The following KIAA1217 variants were observed in gnomAD, a reference collection of about 807,000 sequenced individuals.
The protein encoded by KIAA1217 is KIAA1217.
A neutral mutation model predicts 163.9 loss-of-function variants in KIAA1217; 88 were observed. The ratio of observed to expected loss-of-function variants is 0.54; its 90% CI spans 0.45 to 0.64. KIAA1217 has a LOEUF of 0.64. KIAA1217 is among the 30% of genes least tolerant of loss of function. The pLI is 0.00. For missense variants in KIAA1217, 2,372 were observed against 2,475.0 expected (o/e 0.96, Z 0.88); for synonymous variants, 903 against 923.1 (o/e 0.98, Z 0.39).
intron 2 of KIAA1217, among the ~76,000 whole-genome samples, chr10:24,246,231 C>T (rs2073793793): frequency 6.6e-6 from 1 of 152,170 alleles, no homozygotes; most frequent in African/African-American, 2.4e-5. Context: ...GACAGACTCT[C>T]ATTTAAAACT....
At chr10:24,536,958 C>T in intron 17 of KIAA1217, 65 bp downstream of exon 17, 1 of 1,589,350 alleles carries the variant, frequency 6.3e-7, no homozygotes. Context: ...CTGACACTAA[C>T]ACGGCTCTTA....
chr10:23,814,184 C>A (rs1837212534), intron 1 of KIAA1217, among the ~76,000 whole-genome samples: 1 of 151,974 alleles, frequency 6.6e-6, no homozygotes, highest in Admixed American at 6.6e-5. Context: ...GAGGGGGATG[C>A]CAAGAGGAAT....
At position 24,547,405 on chromosome 10, in the gene KIAA1217, T is replaced by C. The variant is rs918267742; in HGVS notation, c.*1081T>C. The C allele has an allele frequency of 6.6e-6, 1 of 152,666 alleles. No homozygotes were observed. The highest frequency in any genetic ancestry group is 2.4e-5 in the African/African-American group (1 of 41,454). The allele number at this position is 152,666 out of a possible 1,614,324, so 9.5% of individuals were successfully genotyped here. ...CAGCTAGAGTGTTTTTGTAAATAAA[T>C]GTATTTGTATAACACAGTCATGTAA... On this transcript the variant is annotated 3_prime_UTR_variant, in exon 21 of 21. Transcript: ENST00000376454.
intron 1 of KIAA1217, among the ~76,000 whole-genome samples, chr10:23,739,292 AT>A (rs35278063): frequency 0.23 from 34,821 of 152,094 alleles, 4,322 homozygotes; most frequent in African/African-American, 0.32. Flanking sequence ...AATGCATGTT[AT>A]TTTGGGTGAT....
At chr10:24,267,266 T>C (rs1395988629) in intron 2 of KIAA1217, among the ~76,000 whole-genome samples, 1 of 152,226 alleles carries the variant, frequency 6.6e-6, no homozygotes, top group Non-Finnish European at 1.5e-5. Context: ...TGAAGACTTA[T>C]AAAGACCACT....
intron 1 of KIAA1217, among the ~76,000 whole-genome samples, chr10:23,972,630 T>C (rs1288668003): frequency 2.0e-5 from 3 of 151,530 alleles, no homozygotes; most frequent in South Asian, 4.2e-4. Context: ...AAGGTTCTCT[T>C]TGAACCAACC....
chr10:24,465,530 T>C (rs1035093660), intron 5 of KIAA1217, among the ~76,000 whole-genome samples: 1 of 152,218 alleles, frequency 6.6e-6, no homozygotes, highest in African/African-American at 2.4e-5. Flanking sequence ...GTGAAGCCAG[T>C]GGGGCTTCCA....
chr10:24,312,902 C>T (rs2042893157), intron 2 of KIAA1217, among the ~76,000 whole-genome samples: 1 of 152,056 alleles, frequency 6.6e-6, no homozygotes, highest in Non-Finnish European at 1.5e-5. Flanking sequence ...GGTGACAGCG[C>T]ACATCCTTGT....
At chr10:23,934,625 A>ATATATATACGTATATATATATATATTT (rs1554826424) in intron 1 of KIAA1217, among the ~76,000 whole-genome samples, 3 of 68,550 alleles carry the variant, frequency 4.4e-5, no homozygotes, top group African/African-American at 2.8e-4. Flanking sequence ...ATATATATAT[A>ATATATATACGTATATATATATATATTT]TTTTTTTTTT....
At chr10:24,235,006 A>G (rs951910543) in intron 2 of KIAA1217, among the ~76,000 whole-genome samples, 7 of 152,238 alleles carry the variant, frequency 4.6e-5, no homozygotes, top group African/African-American at 1.7e-4. Flanking sequence ...AAGACTAGAC[A>G]GATACATGTT....
At chr10:24,270,322 C>T (rs1225988391) in intron 2 of KIAA1217, among the ~76,000 whole-genome samples, 1 of 152,176 alleles carries the variant, frequency 6.6e-6, no homozygotes. Flanking sequence ...ATAGGTGGCT[C>T]ATCTTCCCCC....
chr10:23,911,563 AT>A (rs1323793656), intron 1 of KIAA1217, among the ~76,000 whole-genome samples: 1 of 152,172 alleles, frequency 6.6e-6, no homozygotes, highest in Non-Finnish European at 1.5e-5. Context: ...CTGCCAAGCC[AT>A]TCTCTTTCCT....
intron 5 of KIAA1217, among the ~76,000 whole-genome samples, chr10:24,452,104 A>G (rs2061415802): frequency 6.6e-6 from 1 of 152,210 alleles, no homozygotes; most frequent in Admixed American, 6.5e-5. Context: ...ATCTTTTAAA[A>G]AGAAAAAAGT....
chr10:24,388,559 G>T (rs964163718), intron 3 of KIAA1217, among the ~76,000 whole-genome samples: 1 of 152,100 alleles, frequency 6.6e-6, no homozygotes, highest in African/African-American at 2.4e-5. Context: ...ATTGACAAAT[G>T]GGATCTAATT....
intron 2 of KIAA1217, among the ~76,000 whole-genome samples, chr10:24,294,136 C>T (rs929743680): frequency 1.2e-4 from 14 of 120,946 alleles, no homozygotes; most frequent in Non-Finnish European, 1.6e-4. Context: ...TGCAGTGAGC[C>T]GAGATAGCGC....
chr10:23,932,696 A>G (rs16924090), intron 1 of KIAA1217, among the ~76,000 whole-genome samples: 1 of 152,338 alleles, frequency 6.6e-6, no homozygotes, highest in Non-Finnish European at 1.5e-5. Flanking sequence ...TACATTAAAA[A>G]ACATGAGTTC....
chr10:23,981,880 A>G (rs567952892), intron 1 of KIAA1217, among the ~76,000 whole-genome samples: 2 of 152,126 alleles, frequency 1.3e-5, no homozygotes, highest in Non-Finnish European at 2.9e-5. Context: ...CAGGAAAATT[A>G]GTACAGCTGA....
intron 6 of KIAA1217, among the ~76,000 whole-genome samples, chr10:24,484,241 A>ATAT (rs1376083298): frequency 1.3e-3 from 94 of 75,176 alleles, no homozygotes; most frequent in East Asian, 2.3e-3. Flanking sequence ...ATATATATAT[A>ATAT]TTTTTTTTTT....
chr10:24,109,021 G>A (rs1174611677), intron 2 of KIAA1217, among the ~76,000 whole-genome samples: 2 of 151,030 alleles, frequency 1.3e-5, no homozygotes, highest in African/African-American at 5.0e-5. Flanking sequence ...TAGTAGAGAC[G>A]GGGTTTCCCC....
Sources: gnomAD v4.1 joint callset for allele counts (sites outside exome capture counted in the v4.1 genomes callset) on GRCh38, gnomAD v4.1.1 for gene constraint, MANE v1.5 for transcripts, NCBI Gene and HGNC (gene_info 2026-07-23, HGNC 2026-07-21) for gene names.